Variants in ADAMTSL1 observed in about 807,000 individuals in gnomAD.
The protein encoded by ADAMTSL1 is ADAMTS like 1, also known as ADAMTS-like protein 1.
ADAMTSL1 carries 126 observed loss-of-function variants against 201.8 expected under a neutral mutation model. That is an observed-to-expected ratio of 0.62 (90% CI 0.54 to 0.72). ADAMTSL1 has a LOEUF of 0.72. Ranked by LOEUF, ADAMTSL1 falls within the 30% of genes least tolerant of loss-of-function variation. The pLI is 0.00. For missense variants in ADAMTSL1, 2,679 were observed against 2,277.8 expected, an observed-to-expected ratio of 1.18 and a Z score of -3.59; for synonymous variants, 1,121 against 903.4, an observed-to-expected ratio of 1.24 and a Z score of -4.32.
intron 1 of ADAMTSL1, among the ~76,000 whole-genome samples, chr9:18,013,487 A>G (rs372602451): frequency 6.6e-6 from 1 of 152,074 alleles, no homozygotes; most frequent in African/African-American, 2.4e-5. Context: ...CAAAGTTTGT[A>G]AATTTTTAAG....
At chr9:18,893,865 C>G (rs978304895) in intron 26 of ADAMTSL1, among the ~76,000 whole-genome samples, 14 of 152,178 alleles carry the variant, frequency 9.2e-5, no homozygotes. Flanking sequence ...TGATTTTAGT[C>G]CAAGTAAAAC....
intron 8 of ADAMTSL1, among the ~76,000 whole-genome samples, chr9:18,659,406 A>G (rs1001190807): frequency 1.3e-5 from 2 of 152,256 alleles, no homozygotes; most frequent in Non-Finnish European, 2.9e-5. Flanking sequence ...AAAACTATCA[A>G]TTCAACACTT....
At chr9:18,611,558 G>C (rs1825367550) in intron 4 of ADAMTSL1, among the ~76,000 whole-genome samples, 1 of 152,114 alleles carries the variant, frequency 6.6e-6, no homozygotes, top group African/African-American at 2.4e-5. Context: ...AGACCCTGAA[G>C]TAAATAAGAC....
chr9:18,036,747 C>T (rs538531697), intron 1 of ADAMTSL1, among the ~76,000 whole-genome samples: 1 of 152,278 alleles, frequency 6.6e-6, no homozygotes, highest in South Asian at 2.1e-4. Flanking sequence ...TGTTAAGATT[C>T]TCCTGCTTTC....
chr9:18,829,365 C>A (rs1354653457), intron 22 of ADAMTSL1, among the ~76,000 whole-genome samples: 1 of 152,078 alleles, frequency 6.6e-6, no homozygotes, highest in Non-Finnish European at 1.5e-5. Flanking sequence ...GAAAAGGGTC[C>A]TTTTAAATAA....
At chr9:18,619,415 A>G (rs544840128) in intron 4 of ADAMTSL1, among the ~76,000 whole-genome samples, 1 of 152,228 alleles carries the variant, frequency 6.6e-6, no homozygotes, top group South Asian at 2.1e-4. Context: ...AAAGGAAGAA[A>G]AAAAAAACAA....
chr9:18,121,167 CT>C (rs1825479535), intron 1 of ADAMTSL1, among the ~76,000 whole-genome samples: 1 of 152,188 alleles, frequency 6.6e-6, no homozygotes, highest in Non-Finnish European at 1.5e-5. Flanking sequence ...AAATCATCAA[CT>C]GGTATTTGCA....
chr9:18,028,728 T>A (rs1351317874), intron 1 of ADAMTSL1, among the ~76,000 whole-genome samples: 1 of 152,192 alleles, frequency 6.6e-6, no homozygotes, highest in Non-Finnish European at 1.5e-5. Context: ...GGCTTAGGAT[T>A]GACTTGGCAA....
At chr9:18,281,152 A>T (rs1320835733) in intron 2 of ADAMTSL1, among the ~76,000 whole-genome samples, 1 of 152,206 alleles carries the variant, frequency 6.6e-6, no homozygotes, top group African/African-American at 2.4e-5. Context: ...GCTTTATCCC[A>T]TGTAAATGGC....
At chr9:17,967,492 A>C (rs1316182905) in intron 1 of ADAMTSL1, among the ~76,000 whole-genome samples, 1 of 152,136 alleles carries the variant, frequency 6.6e-6, no homozygotes, top group African/African-American at 2.4e-5. Context: ...TGAGTCAAGC[A>C]CTTTTCCTAG....
chr9:18,227,631 A>G, intron 2 of ADAMTSL1, among the ~76,000 whole-genome samples: 1 of 152,164 alleles, frequency 6.6e-6, no homozygotes, highest in Admixed American at 6.5e-5. Flanking sequence ...TGAAACATGT[A>G]TGTCTTTTTC....
intron 1 of ADAMTSL1, among the ~76,000 whole-genome samples, chr9:17,980,830 C>A (rs141547363): frequency 1.3e-5 from 2 of 152,222 alleles, no homozygotes; most frequent in Non-Finnish European, 2.9e-5. Context: ...AAGAAGTAAT[C>A]TTCTTATACA....
At chr9:18,011,986 T>A (rs1177021817) in intron 1 of ADAMTSL1, among the ~76,000 whole-genome samples, 1 of 152,068 alleles carries the variant, frequency 6.6e-6, no homozygotes, top group Non-Finnish European at 1.5e-5. Flanking sequence ...TCCCCAGTGT[T>A]AGCATTCAGA....
chr9:18,750,437 T>A (rs558603214), intron 15 of ADAMTSL1, among the ~76,000 whole-genome samples: 1 of 152,266 alleles, frequency 6.6e-6, no homozygotes, highest in Non-Finnish European at 1.5e-5. Context: ...GATTCATTTA[T>A]GTTGTTGCTT....
intron 2 of ADAMTSL1, among the ~76,000 whole-genome samples, chr9:18,232,147 G>A (rs1830666189): frequency 6.6e-6 from 1 of 152,126 alleles, no homozygotes; most frequent in African/African-American, 2.4e-5. Flanking sequence ...CACTGACCTT[G>A]ATTTTCCTCC....
At chr9:18,492,499 G>T (rs941049233) in intron 1 of ADAMTSL1, among the ~76,000 whole-genome samples, 14 of 152,188 alleles carry the variant, frequency 9.2e-5, no homozygotes, top group African/African-American at 3.1e-4. Context: ...TCCCAGCAGA[G>T]ATTCTCTGTT....
intron 13 of ADAMTSL1, among the ~76,000 whole-genome samples, chr9:18,704,351 G>T (rs2133318992): frequency 6.6e-6 from 1 of 152,294 alleles, no homozygotes; most frequent in East Asian, 1.9e-4. Context: ...CCTAAAGAGG[G>T]CTCTTTATAA....
At chr9:18,597,290 G>A (rs1824331326) in intron 4 of ADAMTSL1, among the ~76,000 whole-genome samples, 1 of 152,134 alleles carries the variant, frequency 6.6e-6, no homozygotes, top group African/African-American at 2.4e-5. Flanking sequence ...GCTAAATTTT[G>A]CTGTATTCTA....
intron 2 of ADAMTSL1, among the ~76,000 whole-genome samples, chr9:18,171,520 T>A (rs1443878714): frequency 6.6e-6 from 1 of 152,074 alleles, no homozygotes; most frequent in Non-Finnish European, 1.5e-5. Context: ...TTCTTTGCAA[T>A]GTACATAACT....
Sources: allele counts gnomAD v4.1 joint callset (sites outside exome capture counted in the v4.1 genomes callset), GRCh38; gene constraint gnomAD v4.1.1; transcripts MANE v1.5; gene names NCBI Gene and HGNC (gene_info 2026-07-23, HGNC 2026-07-21).